Variants in PRMT3 observed in about 807,000 individuals in gnomAD.
PRMT3 encodes protein arginine methyltransferase 3.
In PRMT3, 62 loss-of-function variants were observed where a neutral mutation model predicts 71.9. The ratio of observed to expected loss-of-function variants is 0.86; its 90% confidence interval spans 0.70 to 1.07. PRMT3 has a LOEUF of 1.07. Ranked by LOEUF, PRMT3 falls within the 50% of genes least tolerant of loss-of-function variation. PRMT3 has a pLI of 0.00. For synonymous variants in PRMT3, 213 were observed against 220.4 expected (o/e 0.97, Z 0.30); for missense variants, 663 against 643.0 (o/e 1.03, Z -0.34).
At chr11:20,458,052 TAGAAATTAATTTTTAA>T (rs1407822160) in intron 11 of PRMT3, among the ~76,000 whole-genome samples, 1 of 152,204 alleles carries the variant, frequency 6.6e-6, no homozygotes, top group Admixed American at 6.5e-5. Context: ...TTATATAAAC[TAGAAATTAATTTTTAA>T]AGCTCATTTA....
In PRMT3 at chr11:20,465,601, A is replaced by G. The variant is rs917678965; in HGVS notation, c.1347+1055A>G. On this transcript the variant is annotated intron_variant, in intron 13 of 15. Coordinates refer to ENST00000331079, the MANE Select transcript of PRMT3 (RefSeq NM_005788.4). ...ATTTTATATCCAAATAAGTTTAACA[A>G]TGTACTTTGATGTTTTGAGGGAATC... is the stretch of plus-strand genomic sequence containing the variant. 5.9e-5 allele frequency among the ~76,000 whole-genome samples: 9 copies of G among 151,974 alleles called. No homozygotes were observed. The East Asian group carries it at 1.2e-3, about 20-fold the overall frequency.
chr11:20,453,139 C>G (rs1392964511), intron 11 of PRMT3, among the ~76,000 whole-genome samples: 1 of 151,894 alleles, frequency 6.6e-6, no homozygotes, highest in African/African-American at 2.4e-5. Flanking sequence ...AGTTATGCCT[C>G]CTACCATCCA....
intron 9 of PRMT3, among the ~76,000 whole-genome samples, chr11:20,423,104 G>C (rs759926281): frequency 3.9e-5 from 6 of 152,072 alleles, no homozygotes; most frequent in Non-Finnish European, 5.9e-5. Flanking sequence ...TAAGATCTCT[G>C]GTTCATGTGA....
chr11:20,424,252 G>A (rs979199345), intron 9 of PRMT3, among the ~76,000 whole-genome samples: 5 of 75,654 alleles, frequency 6.6e-5, no homozygotes, highest in Non-Finnish European at 1.5e-4. Flanking sequence ...TTTTTAAAAA[G>A]AATAAACTTT....
intron 6 of PRMT3, among the ~76,000 whole-genome samples, chr11:20,397,276 TAGAA>T (rs1368562379): frequency 6.6e-5 from 10 of 152,188 alleles, no homozygotes; most frequent in Admixed American, 6.5e-4. Context: ...TTTAAAACAA[TAGAA>T]ATAATAGAGG....
At chr11:20,457,953 C>G (rs879825389) in intron 11 of PRMT3, among the ~76,000 whole-genome samples, 1 of 152,018 alleles carries the variant, frequency 6.6e-6, no homozygotes, top group Admixed American at 6.6e-5. Flanking sequence ...CTTAGCTAAA[C>G]GTTAGTGGGT....
intron 11 of PRMT3, 77 bp downstream of exon 11, chr11:20,452,285 C>A: frequency 8.7e-7 from 1 of 1,154,610 alleles, no homozygotes; most frequent in Non-Finnish European, 1.3e-6. Context: ...TTCAAATAAA[C>A]TATGCATGGC....
At chr11:20,403,026 C>T (rs1167431002) in intron 8 of PRMT3, 42 bp downstream of exon 8, 3 of 1,426,936 alleles carry the variant, frequency 2.1e-6, no homozygotes, top group Non-Finnish European at 3.0e-6. Flanking sequence ...TCATCTTGTT[C>T]TTGGGCAGTA....
intron 7 of PRMT3, 125 bp from the exon 8 acceptor site, chr11:20,402,794 G>C: frequency 1.7e-6 from 1 of 574,668 alleles, no homozygotes; most frequent in South Asian, 3.0e-5. Flanking sequence ...AATAAGCTTG[G>C]TATCCCAGGT....
At chr11:20,407,816 C>T in intron 8 of PRMT3, 95 bp from the exon 9 acceptor site, 1 of 1,265,174 alleles carries the variant, frequency 7.9e-7, no homozygotes, top group Non-Finnish European at 1.1e-6. Flanking sequence ...GTGATCTTTT[C>T]CTAGCCAGAA....
chr11:20,477,186 TCAG>T (rs1850811083), intron 13 of PRMT3, among the ~76,000 whole-genome samples: 1 of 152,198 alleles, frequency 6.6e-6, no homozygotes, highest in African/African-American at 2.4e-5. Context: ...TATGAAATTC[TCAG>T]CAGGTCTTTC....
chr11:20,402,808 A>C (rs1848978685), intron 7 of PRMT3, 111 bp from the exon 8 acceptor site: 2 of 701,480 alleles, frequency 2.9e-6, no homozygotes, highest in Middle Eastern at 5.4e-4. Flanking sequence ...CCCAGGTATA[A>C]AAACTGCTAT....
rs1227068441 is a variant in PRMT3 at position 20,493,985 on chromosome 11, T to TATC, written c.1398+17_1398+19dup. ...CCACAACAGGGTAAGTATCATGAAT[T>TATC]ATCTCATAAGAATTAATTATTACAG... On this transcript the variant is annotated intron_variant, in intron 14 of 15. Transcript: ENST00000331079. 1 of 1,554,628 alleles carries TATC rather than the reference T, an allele frequency of 6.4e-7. No individual in the cohort carries two copies. Among genetic ancestry groups the TATC allele is most frequent in the African/African-American group, 1.4e-5 (1 of 73,208 alleles).
intron 13 of PRMT3, among the ~76,000 whole-genome samples, chr11:20,484,642 A>T (rs1170591514): frequency 6.6e-6 from 1 of 152,086 alleles, no homozygotes; most frequent in Non-Finnish European, 1.5e-5. Flanking sequence ...TGATTGTGAG[A>T]CTTCCCCAGC....
chr11:20,396,152 G>A (rs1848822143), intron 6 of PRMT3, among the ~76,000 whole-genome samples, 190 bp downstream of exon 6: 1 of 152,086 alleles, frequency 6.6e-6, no homozygotes, highest in South Asian at 2.1e-4. Context: ...AAATCTTATA[G>A]TTTTACCTAT....
chr11:20,476,066 A>G (rs114426006), intron 13 of PRMT3, among the ~76,000 whole-genome samples: 4,610 of 151,784 alleles, frequency 0.03, 234 homozygotes, highest in African/African-American at 0.11. Context: ...CAAATAAAAC[A>G]TGGCGGGGCA....
chr11:20,404,042 G>C (rs1849008111), intron 8 of PRMT3, among the ~76,000 whole-genome samples: 2 of 151,688 alleles, frequency 1.3e-5, no homozygotes, highest in Non-Finnish European at 2.9e-5. Context: ...ATGGTGCTCT[G>C]ATCTTTTTGG....
rs377649968 is a variant in PRMT3 at position 20,463,481 on chromosome 11, G to C, written c.1261-979G>C. On this transcript the variant is annotated intron_variant, in intron 12 of 15. Coordinates refer to ENST00000331079, the MANE Select transcript of PRMT3 (RefSeq NM_005788.4). ...TGGAGGTTGCTGATTTCTCTCTCTAGTGATCTCTGCTTAATGCAAAAACTG... is the reference window on the plus strand; with the variant it reads ...TGGAGGTTGCTGATTTCTCTCTCTACTGATCTCTGCTTAATGCAAAAACTG... Among the ~76,000 whole-genome samples the C allele has an allele frequency of 1.1e-4, 17 of 152,160 alleles. No individual in the cohort carries two copies. In the East Asian group the frequency reaches 2.5e-3, roughly 23 times the overall value.
chr11:20,431,985 T>C (rs975111271), intron 10 of PRMT3, among the ~76,000 whole-genome samples: 2 of 152,098 alleles, frequency 1.3e-5, no homozygotes. Context: ...TTCATAGATA[T>C]GCTAACATCT....
Sources: gnomAD v4.1 joint callset for allele counts (sites outside exome capture counted in the v4.1 genomes callset) on GRCh38, gnomAD v4.1.1 for gene constraint, MANE v1.5 for transcripts, NCBI Gene and HGNC (gene_info 2026-07-23, HGNC 2026-07-21) for gene names.